Variants in PTDSS1 observed in about 807,000 individuals in gnomAD.
PTDSS1 encodes phosphatidylserine synthase 1.
In PTDSS1, 45 loss-of-function variants were observed where a neutral mutation model predicts 70.5. The observed-to-expected ratio is 0.64, with a 90% CI of 0.50 to 0.82. The LOEUF is 0.82. Ranked by LOEUF, PTDSS1 falls within the 40% of genes least tolerant of loss-of-function variation. The pLI, the probability that PTDSS1 is intolerant of heterozygous loss-of-function variation, is 0.00. For missense variants in PTDSS1, 417 were observed against 586.1 expected (o/e 0.71, Z 2.98); for synonymous variants, 188 against 203.8 (o/e 0.92, Z 0.66).
rs1050765069 is a variant in PTDSS1 at position 96,262,019 on chromosome 8, C to T, written c.-22C>T. 1 of 1,604,688 alleles carries T rather than the reference C, an allele frequency of 6.2e-7. No homozygotes were observed. Among genetic ancestry groups the T allele is most frequent in the Admixed American group, 1.7e-5 (1 of 59,002 alleles). On this transcript the variant is annotated 5_prime_UTR_variant, in exon 1 of 13. Transcript: ENST00000517309. The surrounding 1 kb of genome is among the most constrained non-coding windows in gnomAD (Gnocchi z 4.4). ...TCTCGGGCTGGGGCCGCCGCCACCG[C>T]GGCAGGACGGGGAGGCGGGCCATGG...
chr8:96,278,842 G>C (rs1444817087), intron 2 of PTDSS1, among the ~76,000 whole-genome samples: 1 of 146,928 alleles, frequency 6.8e-6, no homozygotes, highest in Non-Finnish European at 1.5e-5. Flanking sequence ...TACTTCAAGT[G>C]CCTGGCCCAT....
rs1375079856 is a variant in PTDSS1 at position 96,262,010 on chromosome 8, C to T, written c.-31C>T. The T allele has an allele frequency of 6.3e-7, 1 of 1,598,126 alleles. No homozygotes were observed. The highest frequency in any genetic ancestry group is 1.7e-5 in the Admixed American group (1 of 57,982). ...TCCCGGCCTTCTCGGGCTGGGGCCG[C>T]CGCCACCGCGGCAGGACGGGGAGGC... On this transcript the variant is annotated 5_prime_UTR_variant, in exon 1 of 13. Coordinates refer to ENST00000517309, the MANE Select transcript of PTDSS1 (RefSeq NM_014754.3). The surrounding 1 kb of genome is among the most constrained non-coding windows in gnomAD (Gnocchi z 4.4).
At chr8:96,299,175 G>T (rs1340349466) in intron 5 of PTDSS1, among the ~76,000 whole-genome samples, 1 of 152,192 alleles carries the variant, frequency 6.6e-6, no homozygotes, top group Admixed American at 6.5e-5. Flanking sequence ...GTTGGTGTGA[G>T]ATTTCCTATT....
At chr8:96,305,948 T>TG (rs1811116305) in intron 7 of PTDSS1, among the ~76,000 whole-genome samples, 1 of 152,188 alleles carries the variant, frequency 6.6e-6, no homozygotes, top group African/African-American at 2.4e-5. Flanking sequence ...TCCAAAGTGC[T>TG]GGGGTTACAG....
rs1810408439 is a variant in PTDSS1, at chr8:96,261,975, A to G, written c.-66A>G. On this transcript the variant is annotated 5_prime_UTR_variant, in exon 1 of 13. Transcript: ENST00000517309. Reference sequence around the variant, plus strand: ...GGCTATTAGCCTACTGTGGCTAGTCACCCCCGGGGTCCCGGCCTTCTCGGG... The same window carrying G: ...GGCTATTAGCCTACTGTGGCTAGTCGCCCCCGGGGTCCCGGCCTTCTCGGG... The G allele has an allele frequency of 5.3e-6, 8 of 1,516,130 alleles. No individual in the cohort carries two copies. Among genetic ancestry groups the G allele is most frequent in the Non-Finnish European group, 6.2e-6 (7 of 1,121,766 alleles). The allele number at this position is 1,516,130 out of a possible 1,614,324, so 93.9% of individuals were successfully genotyped here. A position where few individuals can be genotyped will look rare whatever the true frequency, so the allele number is the denominator to read the frequency against.
intron 2 of PTDSS1, among the ~76,000 whole-genome samples, chr8:96,283,242 C>T (rs899341214): frequency 1.3e-5 from 2 of 152,170 alleles, no homozygotes; most frequent in East Asian, 3.8e-4. Context: ...TGGTGTCTCT[C>T]CTGGGGACAT....
intron 9 of PTDSS1, among the ~76,000 whole-genome samples, chr8:96,311,605 G>A (rs1165390533): frequency 6.6e-6 from 1 of 152,164 alleles, no homozygotes; most frequent in Non-Finnish European, 1.5e-5. Flanking sequence ...GGCTAAAAAT[G>A]TTGATACTCA....
At chr8:96,291,324 C>T (rs1810899703) in intron 4 of PTDSS1, among the ~76,000 whole-genome samples, 2 of 152,152 alleles carry the variant, frequency 1.3e-5, no homozygotes, top group African/African-American at 4.8e-5. Flanking sequence ...GAATCTATAA[C>T]TTCATGTACC....
At chr8:96,280,103 G>T (rs888600565) in intron 2 of PTDSS1, among the ~76,000 whole-genome samples, 1 of 152,138 alleles carries the variant, frequency 6.6e-6, no homozygotes, top group Non-Finnish European at 1.5e-5. Context: ...ACAGTTTCTG[G>T]TGAGTCAGGC....
rs955738682 is a variant in PTDSS1, at chr8:96,336,058, C to T, written c.*2492C>T. The T allele has an allele frequency of 4.0e-5, 6 of 150,392 alleles. No homozygotes were observed. Among genetic ancestry groups the T allele is most frequent in the Admixed American group, 2.6e-4 (4 of 15,224 alleles). 9.3% of individuals were successfully genotyped at this position (150,392 alleles called of 1,614,324 possible). On this transcript the variant is annotated 3_prime_UTR_variant, in exon 13 of 13. Transcript: ENST00000517309. ...ATTCTTGGTCTTCCCAAAGCTTCTT[C>T]CCACATTTCGTTTGTGTCTGTTTCC...
At chr8:96,314,986 G>T (rs1811265454) in intron 9 of PTDSS1, among the ~76,000 whole-genome samples, 1 of 152,152 alleles carries the variant, frequency 6.6e-6, no homozygotes, top group Admixed American at 6.5e-5. Context: ...AAGCAGAACA[G>T]TTCTGAGTTT....
chr8:96,284,212 A>T, intron 3 of PTDSS1, 59 bp downstream of exon 3: 4 of 1,479,216 alleles, frequency 2.7e-6, no homozygotes, highest in Non-Finnish European at 3.7e-6. Context: ...TTTTCTGCTT[A>T]TCACTTTAAG....
Position 96,317,571 on chromosome 8 carries a change from C to CA in PTDSS1, c.1074-2669dup, listed in dbSNP as rs547415371. On this transcript the variant is annotated intron_variant, in intron 9 of 12. Transcript: ENST00000517309. ...GTAACACGGTAAAACCCCGTCTCTA[C>CA]AAAAAATACAAAAATTAGCTGGGCG... Among the ~76,000 whole-genome samples the CA allele has an allele frequency of 2.0e-3, 301 of 151,956 alleles. 1 individual carries two copies. The highest frequency in any genetic ancestry group is 7.0e-3 in the African/African-American group (291 of 41,436).
chr8:96,299,576 A>C (rs895126306), intron 5 of PTDSS1, 118 bp from the exon 6 acceptor site: 4 of 1,148,930 alleles, frequency 3.5e-6, no homozygotes, highest in Non-Finnish European at 4.8e-6. Context: ...ACATTAGGAA[A>C]AAATGAAATG....
At chr8:96,281,690 C>T (rs1199992248) in intron 2 of PTDSS1, among the ~76,000 whole-genome samples, 1 of 152,202 alleles carries the variant, frequency 6.6e-6, no homozygotes, top group Non-Finnish European at 1.5e-5. Flanking sequence ...GCTCAACCCT[C>T]AGATACCGTC....
At position 96,261,958 on chromosome 8, in the gene PTDSS1, G is replaced by A. The variant is rs758816922; in HGVS notation, c.-83G>A. The A allele has an allele frequency of 2.3e-5, 33 of 1,425,598 alleles. No homozygotes were observed. The highest frequency in any genetic ancestry group is 2.8e-5 in the Non-Finnish European group (29 of 1,051,284). The allele number at this position is 1,425,598 out of a possible 1,614,324, so 88.3% of individuals were successfully genotyped here. On this transcript the variant is annotated 5_prime_UTR_variant, in exon 1 of 13. Transcript: ENST00000517309. Reference sequence around the variant, plus strand: ...ACCCGGCTTTGCCGTCCGGCTATTAGCCTACTGTGGCTAGTCACCCCCGGG... The same window carrying A: ...ACCCGGCTTTGCCGTCCGGCTATTAACCTACTGTGGCTAGTCACCCCCGGG...
intron 7 of PTDSS1, 71 bp downstream of exon 7, chr8:96,304,252 GT>G: frequency 6.8e-7 from 1 of 1,477,720 alleles, no homozygotes; most frequent in Non-Finnish European, 9.2e-7. Flanking sequence ...GGAATTTAGA[GT>G]TAACATTAGT....
chr8:96,329,781 G>T (rs1281655319), intron 10 of PTDSS1, among the ~76,000 whole-genome samples: 1 of 152,172 alleles, frequency 6.6e-6, no homozygotes, highest in Non-Finnish European at 1.5e-5. Flanking sequence ...CTCAGGTGCC[G>T]CTGTGACCTC....
At chr8:96,305,490 T>G (rs1023715988) in intron 7 of PTDSS1, among the ~76,000 whole-genome samples, 3 of 152,108 alleles carry the variant, frequency 2.0e-5, no homozygotes, top group African/African-American at 7.2e-5. Context: ...CCACAAGATA[T>G]TTTGTGCTAC....
Sources: allele counts gnomAD v4.1 joint callset (sites outside exome capture counted in the v4.1 genomes callset), GRCh38; gene constraint gnomAD v4.1.1; non-coding constraint Gnocchi (gnomAD v3.1); transcripts MANE v1.5; gene names NCBI Gene and HGNC (gene_info 2026-07-23, HGNC 2026-07-21).